ATE1: variants seen among roughly 807,000 people sequenced by gnomAD.
ATE1 encodes the protein arginyltransferase 1, also known as arginyl-tRNA--protein transferase 1.
A neutral mutation model predicts 70.5 loss-of-function variants in ATE1; 36 were observed. The ratio of observed to expected loss-of-function variants is 0.51; its 90% CI spans 0.39 to 0.67. The LOEUF is 0.67. Among genes scored for constraint, ATE1 ranks in the 30% least tolerant of loss-of-function variants. ATE1 has a pLI of 0.00. For missense variants in ATE1, 593 were observed against 629.5 expected (o/e 0.94, Z 0.62); for synonymous variants, 232 against 219.3 (o/e 1.06, Z -0.51).
At chr10:121,787,842 AATGG>A (rs1186212580) in intron 11 of ATE1, among the ~76,000 whole-genome samples, 2 of 152,192 alleles carry the variant, frequency 1.3e-5, no homozygotes, top group Non-Finnish European at 2.9e-5. Flanking sequence ...ATGTCTATTC[AATGG>A]ATGGAAATTA....
intron 10 of ATE1, among the ~76,000 whole-genome samples, chr10:121,818,481 G>A (rs752023535): frequency 4.6e-5 from 7 of 152,088 alleles, no homozygotes; most frequent in Non-Finnish European, 1.0e-4. Context: ...TTAGAGCAAC[G>A]AGTTGCTATG....
At chr10:121,825,854 T>C (rs1226616908) in intron 10 of ATE1, among the ~76,000 whole-genome samples, 1 of 152,126 alleles carries the variant, frequency 6.6e-6, no homozygotes, top group Non-Finnish European at 1.5e-5. Context: ...GGAAAGTGAG[T>C]CTCAAAGAGA....
At position 121,745,584 on chromosome 10, in the gene ATE1, A is replaced by G. The variant is rs188692005; in HGVS notation, c.1379-1726T>C. On this transcript the variant is annotated intron_variant, in intron 11 of 11. Coordinates refer to ENST00000224652, the MANE Select transcript of ATE1 (RefSeq NM_001001976.3). ...AAACCAAAAAACAAAAAAATTAGCC[A>G]GGCGTGGTGGCGGGCGCCTGTAGTC... Among the ~76,000 whole-genome samples, 206 of 152,234 alleles carry G rather than the reference A, an allele frequency of 1.4e-3. 2 individuals carry two copies. The highest frequency in any genetic ancestry group is 9.3e-3 in the East Asian group (48 of 5,156).
chr10:121,841,465 A>G (rs1474726956), intron 8 of ATE1, among the ~76,000 whole-genome samples: 1 of 152,192 alleles, frequency 6.6e-6, no homozygotes, highest in East Asian at 1.9e-4. Context: ...TCAAAAAGAG[A>G]AATCAATTTA....
intron 8 of ATE1, among the ~76,000 whole-genome samples, chr10:121,861,863 A>C (rs1268457926): frequency 6.6e-6 from 1 of 152,148 alleles, no homozygotes; most frequent in African/African-American, 2.4e-5. Context: ...AACAACAACA[A>C]TGTACTCCTA....
At chr10:121,813,968 A>G (rs934077941) in intron 10 of ATE1, among the ~76,000 whole-genome samples, 1 of 152,190 alleles carries the variant, frequency 6.6e-6, no homozygotes, top group Non-Finnish European at 1.5e-5. Context: ...ATGAAGCCCT[A>G]ATCTCTTCAG....
intron 5 of ATE1, among the ~76,000 whole-genome samples, chr10:121,903,968 T>C (rs916464130): frequency 6.6e-6 from 1 of 151,272 alleles, no homozygotes; most frequent in Admixed American, 6.6e-5. Context: ...TGTAGTGTTC[T>C]CTTTTCTCCA....
At chr10:121,777,607 A>AT (rs932585016) in intron 11 of ATE1, among the ~76,000 whole-genome samples, 3 of 152,154 alleles carry the variant, frequency 2.0e-5, no homozygotes, top group Non-Finnish European at 2.9e-5. Context: ...AATACAAGTG[A>AT]TTTTTTGTAT....
chr10:121,758,171 C>A (rs1944885842), intron 11 of ATE1, among the ~76,000 whole-genome samples: 1 of 152,094 alleles, frequency 6.6e-6, no homozygotes, highest in South Asian at 2.1e-4. Context: ...TACATTGAAT[C>A]AGTTCATCTT....
chr10:121,876,733 G>A (rs982244274), intron 7 of ATE1, among the ~76,000 whole-genome samples: 2 of 152,216 alleles, frequency 1.3e-5, no homozygotes, highest in African/African-American at 2.4e-5. Context: ...TTGGGAGGCC[G>A]AGGCGGGCGG....
intron 7 of ATE1, among the ~76,000 whole-genome samples, chr10:121,894,361 T>G (rs1950694528): frequency 6.6e-6 from 1 of 152,120 alleles, no homozygotes; most frequent in African/African-American, 2.4e-5. Flanking sequence ...AGAGGCACAC[T>G]TTACATTCAA....
At position 121,876,952 on chromosome 10, in the gene ATE1, C is replaced by A. The variant is rs1337906540; in HGVS notation, c.943-6914G>T. On this transcript the variant is annotated intron_variant, in intron 7 of 11. Transcript: ENST00000224652. ...CTGCACTCCAGCCTGGGCCACAGAG[C>A]GACACTCCAGTCTCAAAAAAAAAAA... is the stretch of plus-strand genomic sequence containing the variant. Among the ~76,000 whole-genome samples, 6 of 147,046 alleles carry A rather than the reference C, an allele frequency of 4.1e-5. No homozygotes were observed. The South Asian group carries it at 1.3e-3, about 32-fold the overall frequency.
At chr10:121,913,274 T>C (rs1437862252) in intron 4 of ATE1, among the ~76,000 whole-genome samples, 1 of 152,240 alleles carries the variant, frequency 6.6e-6, no homozygotes, top group South Asian at 2.1e-4. Flanking sequence ...AATGCTATTA[T>C]GTTTTAGCAA....
At chr10:121,922,930 C>G (rs902044664) in intron 2 of ATE1, among the ~76,000 whole-genome samples, 4 of 152,198 alleles carry the variant, frequency 2.6e-5, no homozygotes, top group Non-Finnish European at 5.9e-5. Flanking sequence ...GAATTCACCT[C>G]TATATCCTAT....
chr10:121,841,124 G>C lies in ATE1; in HGVS notation c.1115C>G (p.Pro372Arg). The change falls in exon 9 of 12, where the codon CCT becomes CGT. Residue 372 changes from proline (P) to arginine (R), a missense_variant. Physicochemically the swap from Pro to Arg is moderately radical, Grantham distance 103. This residue lies in a region of ATE1 where 467 missense variants were observed against 469.6 expected (regional missense o/e 0.99). Coordinates refer to ENST00000224652, the MANE Select transcript of ATE1 (RefSeq NM_001001976.3). ...CVSSVYLYYD[P>R]DYSFLSLGVY... ...GCCCAAAGACAAAAACGAATAATCA[G>C]GATCGTAGTACAAATACACAGATGA... is the stretch of plus-strand genomic sequence containing the variant. The C allele has an allele frequency of 6.3e-7, 1 of 1,582,638 alleles. No homozygotes were observed. The highest frequency in any genetic ancestry group is 1.2e-5 in the South Asian group (1 of 85,698).
intron 7 of ATE1, among the ~76,000 whole-genome samples, chr10:121,882,379 T>C (rs1366427452): frequency 1.3e-5 from 2 of 152,240 alleles, no homozygotes; most frequent in Non-Finnish European, 2.9e-5. Flanking sequence ...TCAGGATCTC[T>C]GACAGTTCCT....
chr10:121,830,606 A>G (rs1948200379), intron 10 of ATE1, among the ~76,000 whole-genome samples: 1 of 152,210 alleles, frequency 6.6e-6, no homozygotes, highest in Non-Finnish European at 1.5e-5. Context: ...CTTAACTGAA[A>G]TGAAAATAAC....
chr10:121,809,985 C>T (rs1225571829), intron 10 of ATE1, among the ~76,000 whole-genome samples: 1 of 151,934 alleles, frequency 6.6e-6, no homozygotes, highest in African/African-American at 2.4e-5. Context: ...TCCACTCTGC[C>T]CAGGTGAGGA....
chr10:121,756,279 G>A (rs942783388), intron 11 of ATE1, among the ~76,000 whole-genome samples: 12 of 152,200 alleles, frequency 7.9e-5, no homozygotes, highest in Admixed American at 2.6e-4. Flanking sequence ...GGGCAGCTCC[G>A]CCCCTGTGGC....
Sources: gnomAD v4.1 joint callset for allele counts (sites outside exome capture counted in the v4.1 genomes callset) on GRCh38, gnomAD v4.1.1 for gene constraint, gnomAD v4.1.1 regional missense constraint, MANE v1.5 for transcripts, NCBI Gene and HGNC (gene_info 2026-07-23, HGNC 2026-07-21) for gene names.